HS6ST3: variants seen among roughly 807,000 people sequenced by gnomAD.
The protein encoded by HS6ST3 is heparan-sulfate 6-O-sulfotransferase 3.
A neutral mutation model predicts 36.7 loss-of-function variants in HS6ST3; 12 were observed. That is an observed-to-expected ratio of 0.33 (90% confidence interval 0.21 to 0.53). The LOEUF (loss-of-function observed/expected upper bound fraction) is 0.53, where lower values mean the gene tolerates loss of function less well. Among genes scored for constraint, HS6ST3 ranks in the 20% least tolerant of loss-of-function variants. The pLI, the probability that HS6ST3 is intolerant of heterozygous loss-of-function variation, is 0.95. For synonymous variants in HS6ST3, 240 were observed against 257.5 expected, an observed-to-expected ratio of 0.93 and a Z score of 0.65; for missense variants, 584 against 640.9, an observed-to-expected ratio of 0.91 and a Z score of 0.96.
At chr13:96,522,717 A>T (rs535466135) in intron 1 of HS6ST3, among the ~76,000 whole-genome samples, 1 of 152,090 alleles carries the variant, frequency 6.6e-6, no homozygotes, top group East Asian at 1.9e-4. Flanking sequence ...TTTGCTTCAT[A>T]GATCTTCCTC....
intron 1 of HS6ST3, among the ~76,000 whole-genome samples, chr13:96,207,768 T>G (rs2054378447): frequency 6.6e-6 from 1 of 152,116 alleles, no homozygotes; most frequent in Non-Finnish European, 1.5e-5. Context: ...AAGTGGGAGC[T>G]GAATGATGAG....
chr13:96,699,745 A>G (rs1333350295), intron 1 of HS6ST3, among the ~76,000 whole-genome samples: 1 of 152,264 alleles, frequency 6.6e-6, no homozygotes, highest in East Asian at 1.9e-4. Context: ...ATTACTGGGT[A>G]TATACCCAAA....
intron 1 of HS6ST3, among the ~76,000 whole-genome samples, chr13:96,377,063 T>TA (rs2055318453): frequency 6.8e-6 from 1 of 147,788 alleles, no homozygotes; most frequent in Admixed American, 6.8e-5. Flanking sequence ...TAATATATAT[T>TA]TTATATATAT....
intron 1 of HS6ST3, among the ~76,000 whole-genome samples, chr13:96,285,015 G>A (rs1594742931): frequency 2.0e-5 from 3 of 149,734 alleles, no homozygotes; most frequent in East Asian, 4.0e-4. Flanking sequence ...ATGTGCGTTG[G>A]CTGTGCATAT....
intron 1 of HS6ST3, among the ~76,000 whole-genome samples, chr13:96,422,740 A>T (rs1227968620): frequency 6.6e-6 from 1 of 152,214 alleles, no homozygotes; most frequent in Non-Finnish European, 1.5e-5. Flanking sequence ...GTATGTGTAT[A>T]CTTGTGGAAT....
intron 1 of HS6ST3, among the ~76,000 whole-genome samples, chr13:96,740,227 G>A (rs756699741): frequency 3.3e-5 from 5 of 152,180 alleles, no homozygotes; most frequent in African/African-American, 9.6e-5. Flanking sequence ...CATATGCCCC[G>A]AATTCAATGC....
At chr13:96,785,111 GT>G (rs1877615748) in intron 1 of HS6ST3, among the ~76,000 whole-genome samples, 2 of 152,116 alleles carry the variant, frequency 1.3e-5, no homozygotes, top group Admixed American at 6.5e-5. Context: ...AGAGGTTGTA[GT>G]GAACTGAGAT....
At chr13:96,419,090 G>T (rs2055549492) in intron 1 of HS6ST3, among the ~76,000 whole-genome samples, 1 of 152,228 alleles carries the variant, frequency 6.6e-6, no homozygotes, top group East Asian at 1.9e-4. Flanking sequence ...ATAGGCGGAT[G>T]CCTAAAATGC....
intron 1 of HS6ST3, among the ~76,000 whole-genome samples, chr13:96,550,962 A>G (rs1193456811): frequency 6.6e-6 from 1 of 152,210 alleles, no homozygotes; most frequent in African/African-American, 2.4e-5. Context: ...CAGTAATTAT[A>G]AAATTATTAA....
At chr13:96,709,457 T>C (rs1875508084) in intron 1 of HS6ST3, among the ~76,000 whole-genome samples, 1 of 152,232 alleles carries the variant, frequency 6.6e-6, no homozygotes, top group Admixed American at 6.5e-5. Flanking sequence ...TTTGAATTTT[T>C]GTGTCCTCCC....
At chr13:96,550,448 G>C (rs1431192873) in intron 1 of HS6ST3, among the ~76,000 whole-genome samples, 2 of 152,068 alleles carry the variant, frequency 1.3e-5, no homozygotes, top group Non-Finnish European at 2.9e-5. Context: ...CCAAATGAAG[G>C]TTTTTCCTTA....
chr13:96,751,752 A>ATG (rs1209575138), intron 1 of HS6ST3, among the ~76,000 whole-genome samples: 2 of 151,442 alleles, frequency 1.3e-5, no homozygotes, highest in Non-Finnish European at 2.9e-5. Flanking sequence ...GCTTGTGTGT[A>ATG]TGTGTGTGTG....
chr13:96,228,950 G>T (rs1371158505), intron 1 of HS6ST3, among the ~76,000 whole-genome samples: 2 of 152,158 alleles, frequency 1.3e-5, no homozygotes, highest in Non-Finnish European at 2.9e-5. Context: ...GGTGTGAGGA[G>T]AGCAGTGTGG....
chr13:96,327,009 C>T (rs938181434), intron 1 of HS6ST3, among the ~76,000 whole-genome samples: 2 of 145,374 alleles, frequency 1.4e-5, no homozygotes, highest in African/African-American at 5.2e-5. Flanking sequence ...GTCCTTTGCT[C>T]ACTTTTTGAT....
chr13:96,104,802 C>T (rs1278940969), intron 1 of HS6ST3, among the ~76,000 whole-genome samples: 5 of 152,152 alleles, frequency 3.3e-5, no homozygotes, highest in African/African-American at 4.8e-5. Flanking sequence ...CCCTTGGCTT[C>T]CTGACTGACC....
intron 1 of HS6ST3, among the ~76,000 whole-genome samples, chr13:96,676,759 T>G (rs911483422): frequency 1.3e-5 from 2 of 152,188 alleles, no homozygotes; most frequent in African/African-American, 4.8e-5. Context: ...ACAAGTCTTA[T>G]GAAGTCAAGA....
intron 1 of HS6ST3, among the ~76,000 whole-genome samples, chr13:96,736,806 A>G (rs9556618): frequency 0.13 from 20,350 of 152,224 alleles, 1,712 homozygotes; most frequent in African/African-American, 0.22. Flanking sequence ...ATTTGGAAAC[A>G]GTGAAAAGCA....
At chr13:96,253,076 C>A (rs2054615243) in intron 1 of HS6ST3, among the ~76,000 whole-genome samples, 1 of 152,044 alleles carries the variant, frequency 6.6e-6, no homozygotes, top group Non-Finnish European at 1.5e-5. Context: ...CCCATTGGGA[C>A]CACACAGGGT....
intron 1 of HS6ST3, among the ~76,000 whole-genome samples, chr13:96,783,798 T>G (rs1877579457): frequency 6.6e-6 from 1 of 152,118 alleles, no homozygotes; most frequent in Admixed American, 6.6e-5. Flanking sequence ...TGATGTGATC[T>G]TGCATCGTAA....
Sources: allele counts gnomAD v4.1 joint callset (sites outside exome capture counted in the v4.1 genomes callset), GRCh38; gene constraint gnomAD v4.1.1; transcripts MANE v1.5; gene names NCBI Gene and HGNC (gene_info 2026-07-23, HGNC 2026-07-21).